Variants in AGBL4 observed in about 807,000 individuals in gnomAD.
AGBL4 encodes the protein AGBL carboxypeptidase 4, also known as cytosolic carboxypeptidase 6.
AGBL4 carries 58 observed loss-of-function variants against 66.4 expected under a neutral mutation model. The ratio of observed to expected loss-of-function variants is 0.87; its 90% CI spans 0.71 to 1.09. AGBL4 has a LOEUF of 1.09. Among genes scored for constraint, AGBL4 ranks in the 50% least tolerant of loss-of-function variants. AGBL4 has a pLI of 0.00. For missense variants in AGBL4, 579 were observed against 631.0 expected, an observed-to-expected ratio of 0.92 and a Z score of 0.88; for synonymous variants, 234 against 222.9, an observed-to-expected ratio of 1.05 and a Z score of -0.44.
chr1:49,638,841 C>A (rs528936935), intron 3 of AGBL4, among the ~76,000 whole-genome samples: 1 of 152,138 alleles, frequency 6.6e-6, no homozygotes, highest in Non-Finnish European at 1.5e-5. Flanking sequence ...GAAAATTGAC[C>A]AATACAAGTA....
chr1:49,004,430 A>G (rs577760278), intron 5 of AGBL4, among the ~76,000 whole-genome samples: 1 of 152,360 alleles, frequency 6.6e-6, no homozygotes, highest in East Asian at 1.9e-4. Context: ...ATGAAATGGC[A>G]TATAAAAATT....
chr1:49,808,077 C>T (rs934991044), intron 2 of AGBL4, among the ~76,000 whole-genome samples: 3 of 152,158 alleles, frequency 2.0e-5, no homozygotes, highest in Non-Finnish European at 2.9e-5. Context: ...AAACAGACTA[C>T]AGCAACATGT....
At chr1:48,880,087 C>G (rs1649633062) in intron 5 of AGBL4, among the ~76,000 whole-genome samples, 2 of 152,092 alleles carry the variant, frequency 1.3e-5, no homozygotes, top group Admixed American at 6.6e-5. Flanking sequence ...ACACTGAACT[C>G]TGTTTGTAGT....
At chr1:49,244,897 C>A (rs1651516125) in intron 4 of AGBL4, among the ~76,000 whole-genome samples, 2 of 151,680 alleles carry the variant, frequency 1.3e-5, no homozygotes, top group African/African-American at 4.8e-5. Flanking sequence ...TTGTTGTACT[C>A]AATCAATACT....
At chr1:48,716,497 GC>G (rs1000692374) in intron 6 of AGBL4, among the ~76,000 whole-genome samples, 4 of 152,134 alleles carry the variant, frequency 2.6e-5, no homozygotes, top group South Asian at 2.1e-4. Flanking sequence ...ATTTGCCCCT[GC>G]CCCCATCCAT....
intron 6 of AGBL4, among the ~76,000 whole-genome samples, chr1:48,837,703 C>CTATATAT (rs1382300748): frequency 7.8e-4 from 76 of 97,904 alleles, no homozygotes; most frequent in Non-Finnish European, 9.0e-4. Flanking sequence ...CACACGCACA[C>CTATATAT]ACACACACTA....
chr1:48,794,429 G>C (rs1458540731), intron 6 of AGBL4, among the ~76,000 whole-genome samples: 1 of 152,014 alleles, frequency 6.6e-6, no homozygotes, highest in Non-Finnish European at 1.5e-5. Flanking sequence ...CTCCTCCTCT[G>C]GGAAAGCAGA....
intron 4 of AGBL4, among the ~76,000 whole-genome samples, chr1:49,064,886 G>T (rs575527646): frequency 6.6e-6 from 1 of 152,274 alleles, no homozygotes; most frequent in South Asian, 2.1e-4. Context: ...ATTCTAAAAT[G>T]ATCTTACTAG....
intron 5 of AGBL4, among the ~76,000 whole-genome samples, chr1:48,962,115 A>G (rs1002417376): frequency 6.7e-6 from 1 of 149,002 alleles, no homozygotes; most frequent in South Asian, 2.1e-4. Flanking sequence ...CCATCCATCC[A>G]TCCATCCATC....
intron 3 of AGBL4, among the ~76,000 whole-genome samples, chr1:49,376,506 C>A (rs188099939): frequency 1.3e-5 from 2 of 152,184 alleles, no homozygotes; most frequent in East Asian, 3.9e-4. Context: ...AGCTTCCTCC[C>A]CTTATCCCTT....
intron 4 of AGBL4, among the ~76,000 whole-genome samples, chr1:49,118,704 G>C (rs1174284933): frequency 6.6e-6 from 1 of 152,066 alleles, no homozygotes; most frequent in Non-Finnish European, 1.5e-5. Flanking sequence ...GGATGATGCT[G>C]GTCTCATAAA....
At chr1:49,047,949 T>C (rs1161328089) in intron 4 of AGBL4, among the ~76,000 whole-genome samples, 1 of 151,948 alleles carries the variant, frequency 6.6e-6, no homozygotes, top group African/African-American at 2.4e-5. Context: ...TGCAAGGATG[T>C]GGGTATGGAG....
chr1:49,671,291 T>C (rs1055487527), intron 3 of AGBL4, among the ~76,000 whole-genome samples: 3 of 152,100 alleles, frequency 2.0e-5, no homozygotes, highest in African/African-American at 7.2e-5. Flanking sequence ...ATGCAGAAGA[T>C]TGAAGCTAGA....
intron 11 of AGBL4, among the ~76,000 whole-genome samples, chr1:48,550,764 T>A (rs1644237537): frequency 6.6e-6 from 1 of 152,092 alleles, no homozygotes; most frequent in Non-Finnish European, 1.5e-5. Context: ...TAAGACACCT[T>A]GCTGGGTGCT....
chr1:49,557,496 A>G (rs553374227), intron 3 of AGBL4, among the ~76,000 whole-genome samples: 1 of 152,260 alleles, frequency 6.6e-6, no homozygotes, highest in East Asian at 1.9e-4. Context: ...AGCAATGATG[A>G]GACATTGAAC....
chr1:49,836,192 C>A (rs1571679312), intron 2 of AGBL4, among the ~76,000 whole-genome samples: 1 of 152,132 alleles, frequency 6.6e-6, no homozygotes, highest in Non-Finnish European at 1.5e-5. Flanking sequence ...GTTCCATTCT[C>A]CCCATCACTT....
intron 2 of AGBL4, among the ~76,000 whole-genome samples, chr1:49,792,365 G>A (rs905248224): frequency 6.6e-6 from 1 of 151,882 alleles, no homozygotes; most frequent in Non-Finnish European, 1.5e-5. Context: ...CTTGGTAACT[G>A]GAGAAATAAA....
intron 3 of AGBL4, among the ~76,000 whole-genome samples, chr1:49,509,739 T>C (rs1649033992): frequency 6.6e-6 from 1 of 151,988 alleles, no homozygotes; most frequent in African/African-American, 2.4e-5. Flanking sequence ...CTTACAACCT[T>C]TATGGCCTTG....
chr1:49,757,129 G>T (rs1558226455), intron 2 of AGBL4, among the ~76,000 whole-genome samples: 1 of 152,014 alleles, frequency 6.6e-6, no homozygotes, highest in Non-Finnish European at 1.5e-5. Flanking sequence ...AGATCTGATG[G>T]TTTTATAAAA....
Sources: gnomAD v4.1 joint callset for allele counts (sites outside exome capture counted in the v4.1 genomes callset) on GRCh38, gnomAD v4.1.1 for gene constraint, MANE v1.5 for transcripts, NCBI Gene and HGNC (gene_info 2026-07-23, HGNC 2026-07-21) for gene names.